The following CAPRIN2 variants were observed in gnomAD, a reference collection of about 807,000 sequenced individuals.
CAPRIN2 encodes caprin-2.
In CAPRIN2, 66 loss-of-function variants were observed where a neutral mutation model predicts 130.4. The ratio of observed to expected loss-of-function variants is 0.51; its 90% CI spans 0.42 to 0.62. CAPRIN2 has a LOEUF of 0.62. CAPRIN2 is among the 20% of genes least tolerant of loss of function. The pLI is 0.00. For synonymous variants in CAPRIN2, 471 were observed against 444.1 expected (o/e 1.06, Z -0.76); for missense variants, 1,185 against 1,246.6 (o/e 0.95, Z 0.74).
intron 5 of CAPRIN2, among the ~76,000 whole-genome samples, chr12:30,732,340 A>G (rs938390803): frequency 5.3e-5 from 8 of 152,070 alleles, no homozygotes; most frequent in Non-Finnish European, 8.8e-5. Flanking sequence ...GTACTATGAC[A>G]TAGATTTTGA....
intron 2 of CAPRIN2, among the ~76,000 whole-genome samples, chr12:30,747,424 T>C (rs1440979802): frequency 6.6e-6 from 1 of 152,158 alleles, no homozygotes; most frequent in Non-Finnish European, 1.5e-5. Flanking sequence ...ACACCTGTAA[T>C]CCCAGCACTT....
Position 30,711,605 on chromosome 12 carries a change from G to A in CAPRIN2, c.2626C>T (p.Arg876Ter), listed in dbSNP as rs759862189. 7 of 1,613,550 alleles carry A rather than the reference G, an allele frequency of 4.3e-6. No individual in the cohort carries two copies. Among genetic ancestry groups the A allele is most frequent in the East Asian group, 4.5e-5 (2 of 44,860 alleles). ...CGTGGACCACCAGATGTCCCTCCTC[G>A]CTTATAACACTGCTGGAAATTATCC... The change falls in exon 16 of 17, where the codon CGA becomes TGA. Residue 876 changes from arginine (R) to a stop codon, truncating the protein, a stop_gained. Transcript: ENST00000298892. LOFTEE classifies it high-confidence loss of function.
chr12:30,718,780 A>G (rs1332673117), intron 12 of CAPRIN2, among the ~76,000 whole-genome samples: 2 of 152,222 alleles, frequency 1.3e-5, no homozygotes, highest in Admixed American at 6.5e-5. Context: ...GTTGCTAGAA[A>G]TTCTGTTTCT....
At position 30,724,461 on chromosome 12, in the gene CAPRIN2, T is replaced by A; in HGVS notation, c.1906-10A>T. On this transcript the variant is annotated splice_polypyrimidine_tract_variant and intron_variant, in intron 9 of 16. Coordinates refer to ENST00000298892, the Ensembl canonical transcript of CAPRIN2. ...AGTCAAGAACAGACTCCTAAAGATATGATTTTAAATAAAGAGTGGAAACAG... is the reference window on the plus strand; with the variant it reads ...AGTCAAGAACAGACTCCTAAAGATAAGATTTTAAATAAAGAGTGGAAACAG... The A allele has an allele frequency of 6.4e-7, 1 of 1,558,226 alleles. No individual in the cohort carries two copies. The highest frequency in any genetic ancestry group is 8.9e-7 in the Non-Finnish European group (1 of 1,129,284).
chr12:30,722,835 C>T (rs2059801318), intron 11 of CAPRIN2, among the ~76,000 whole-genome samples: 1 of 152,002 alleles, frequency 6.6e-6, no homozygotes, highest in South Asian at 2.1e-4. Context: ...TGAGGCAGAC[C>T]AGACGCTGCA....
chr12:30,734,604 A>C (rs1159870549), intron 4 of CAPRIN2, among the ~76,000 whole-genome samples: 1 of 152,170 alleles, frequency 6.6e-6, no homozygotes, highest in South Asian at 2.1e-4. Flanking sequence ...TAAGAAGGCA[A>C]CTCTGAGAAA....
rs1591881174 is a variant in CAPRIN2, at chr12:30,711,241, A to ACTG, written c.2665+324_2665+325insCAG. On this transcript the variant is annotated intron_variant, in intron 16 of 16. Transcript: ENST00000298892. ...AGTGACACTACAGTAAGAAGTACCCATTATTACAAAAACCACCATCGTGAA... is the reference window on the plus strand; with the variant it reads ...AGTGACACTACAGTAAGAAGTACCCACTGTTATTACAAAAACCACCATCGTGAA... Among the ~76,000 whole-genome samples the ACTG allele has an allele frequency of 2.0e-5, 3 of 152,356 alleles. No homozygotes were observed. The East Asian group carries it at 5.8e-4, about 29-fold the overall frequency.
chr12:30,731,321 A>T (rs776269459), intron 6 of CAPRIN2, 22 bp downstream of exon 7: 2 of 1,602,856 alleles, frequency 1.2e-6, no homozygotes, highest in Admixed American at 3.4e-5. Flanking sequence ...CACTATAAGG[A>T]TTTTCAGAGG....
intron 3 of CAPRIN2, among the ~76,000 whole-genome samples, chr12:30,736,974 A>G (rs1452343602): frequency 2.0e-5 from 3 of 152,144 alleles, no homozygotes; most frequent in Admixed American, 6.5e-5. Flanking sequence ...GGCTCATGCC[A>G]CCTTGAACTT....
chr12:30,723,444 A>G, intron 10 of CAPRIN2, 130 bp from the exon 12 acceptor site: 1 of 629,422 alleles, frequency 1.6e-6, no homozygotes, highest in Non-Finnish European at 2.8e-6. Flanking sequence ...CAAGTTCATC[A>G]TGCACTTTCT....
At chr12:30,729,306 A>G in exon 8 of CAPRIN2, 5 of 1,566,480 alleles carry the variant, frequency 3.2e-6, no homozygotes, top group Non-Finnish European at 4.3e-6. Context: ...TACTTCTGTC[A>G]TATAGCGTCT....
At chr12:30,712,235 G>A (rs1238970872) in intron 15 of CAPRIN2, among the ~76,000 whole-genome samples, 1 of 143,932 alleles carries the variant, frequency 6.9e-6, no homozygotes, top group East Asian at 1.9e-4. Context: ...ATAATTAGTG[G>A]TGTAATTATT....
chr12:30,724,129 T>C (rs151145742), intron 10 of CAPRIN2, among the ~76,000 whole-genome samples: 1 of 152,334 alleles, frequency 6.6e-6, no homozygotes. Context: ...AAAACAGCTA[T>C]TGAGTATTTC....
exon 14 of CAPRIN2, chr12:30,714,967 C>T (rs778531870): frequency 1.9e-6 from 3 of 1,613,220 alleles, no homozygotes; most frequent in Non-Finnish European, 2.5e-6. Flanking sequence ...ACCTTTATAA[C>T]CACCAGGGGA....
Position 30,738,437 on chromosome 12 carries a change from C to T in CAPRIN2, c.570+2583G>A, listed in dbSNP as rs2065869762. Among the ~76,000 whole-genome samples the T allele has an allele frequency of 1.3e-5, 2 of 152,056 alleles. 1 individual carries two copies. Among genetic ancestry groups the T allele is most frequent in the South Asian group, 4.2e-4 (2 of 4,818 alleles). ...AGTTCCTTTTCCTTAAATGTAAAAC[C>T]CAAAACTATAAAAACCCTGTAAGAT... On this transcript the variant is annotated intron_variant, in intron 3 of 16. Coordinates refer to ENST00000298892, the Ensembl canonical transcript of CAPRIN2.
chr12:30,741,794 A>G (rs117822252), intron 2 of CAPRIN2, among the ~76,000 whole-genome samples: 5,317 of 152,182 alleles, frequency 0.035, 105 homozygotes, highest in African/African-American at 0.049. Context: ...AAAGTATTAC[A>G]CTCCAAGGTA....
exon 1 of CAPRIN2, chr12:30,753,542 T>G: frequency 6.2e-7 from 1 of 1,614,086 alleles, no homozygotes; most frequent in Non-Finnish European, 8.5e-7. Flanking sequence ...TTTCCTCCTC[T>G]GAATGGCCTG....
intron 12 of CAPRIN2, 63 bp downstream of exon 14, chr12:30,719,016 A>G: frequency 6.5e-7 from 1 of 1,536,332 alleles, no homozygotes; most frequent in Non-Finnish European, 8.9e-7. Context: ...TAATTATGTA[A>G]GAGAAACAAT....
At chr12:30,729,152 A>C (rs760920484) in exon 8 of CAPRIN2, 2 of 1,613,920 alleles carry the variant, frequency 1.2e-6, no homozygotes, top group African/African-American at 2.7e-5. Context: ...GGTGCTTACC[A>C]GAAGCCTCCC....
Sources: allele counts gnomAD v4.1 joint callset (sites outside exome capture counted in the v4.1 genomes callset), GRCh38; gene constraint gnomAD v4.1.1; transcripts MANE v1.5; gene names NCBI Gene and HGNC (gene_info 2026-07-23, HGNC 2026-07-21).